The following POU2AF1 variants were observed in gnomAD, a reference collection of about 807,000 sequenced individuals.
POU2AF1 encodes POU domain class 2-associating factor 1.
A neutral mutation model predicts 26.3 loss-of-function variants in POU2AF1; 12 were observed. That is an observed-to-expected ratio of 0.46 (90% CI 0.29 to 0.74). The LOEUF (loss-of-function observed/expected upper bound fraction) is 0.74, where lower values mean the gene tolerates loss of function less well. Among genes scored for constraint, POU2AF1 ranks in the 30% least tolerant of loss-of-function variants. The pLI is 0.09. For synonymous variants in POU2AF1, 175 were observed against 148.0 expected (o/e 1.18, Z -1.32); for missense variants, 297 against 334.5 (o/e 0.89, Z 0.87).
At chr11:111,359,984 C>T (rs369484955) in intron 1 of POU2AF1, 75 of 519,032 alleles carry the variant, frequency 1.4e-4, no homozygotes, top group Non-Finnish European at 2.8e-4. Flanking sequence ...GATCCTTGTA[C>T]CCTGGGGCCA....
chr11:111,359,036 C>T (rs547997048), intron 1 of POU2AF1, 118 bp from the exon 2 acceptor site: 14 of 1,450,986 alleles, frequency 9.6e-6, no homozygotes, highest in East Asian at 4.8e-5. Flanking sequence ...CACGGAGAAC[C>T]ACGTGACACT....
chr11:111,359,806 G>A (rs908948899), intron 1 of POU2AF1, among the ~76,000 whole-genome samples: 10 of 152,208 alleles, frequency 6.6e-5, no homozygotes, highest in Non-Finnish European at 1.3e-4. Flanking sequence ...CCAGTGGCAT[G>A]CCCATGCGTT....
intron 2 of POU2AF1, among the ~76,000 whole-genome samples, chr11:111,358,350 A>ACACTCTCACACACT (rs1555074302): frequency 3.1e-5 from 1 of 31,946 alleles, no homozygotes. Flanking sequence ...ACACTCTCAC[A>ACACTCTCACACACT]CTCACACTCT....
At chr11:111,358,520 T>TCA (rs1233643551) in intron 2 of POU2AF1, among the ~76,000 whole-genome samples, 3 of 83,692 alleles carry the variant, frequency 3.6e-5, no homozygotes, top group Middle Eastern at 5.4e-3. Flanking sequence ...TATCACACAC[T>TCA]CACACACGCC....
At chr11:111,374,681 C>A (rs1861276137) in intron 1 of POU2AF1, among the ~76,000 whole-genome samples, 1 of 152,104 alleles carries the variant, frequency 6.6e-6, no homozygotes. Flanking sequence ...GGTGACAGAG[C>A]AAGACTCTAT....
chr11:111,355,876 A>C (rs1461580831), intron 4 of POU2AF1, among the ~76,000 whole-genome samples: 1 of 152,164 alleles, frequency 6.6e-6, no homozygotes, highest in Non-Finnish European at 1.5e-5. Context: ...GTGTCCTGAA[A>C]CCAGACAGAA....
intron 1 of POU2AF1, chr11:111,363,341 A>G: frequency 9.8e-7 from 1 of 1,024,140 alleles, no homozygotes; most frequent in Non-Finnish European, 1.2e-6. Context: ...CTCATGAAAT[A>G]TCAGAATCTG....
rs1385055911 is a variant in POU2AF1 at position 111,372,051 on chromosome 11, CACACACACACACACACACAG to C, written c.16+7091_16+7110del. On this transcript the variant is annotated intron_variant, in intron 1 of 4. Transcript: ENST00000393067. ...AAATACACACACACACACACACACA[CACACACACACACACACACAG>C]AGAGAGAGAGAGAGAGAGATGAAGG... 3.9e-5 allele frequency among the ~76,000 whole-genome samples: 4 copies of C among 101,590 alleles called. 1 individual carries two copies. The highest frequency in any genetic ancestry group is 1.6e-4 in the African/African-American group (4 of 25,308). 66.6% of individuals were successfully genotyped at this position (101,590 alleles called of 152,430 possible).
chr11:111,374,015 GA>G (rs1450093606), intron 1 of POU2AF1, among the ~76,000 whole-genome samples: 1 of 151,166 alleles, frequency 6.6e-6, no homozygotes, highest in African/African-American at 2.4e-5. Flanking sequence ...GTCAAAGGGG[GA>G]AAAAACACTT....
At chr11:111,356,473 C>T (rs746342178) in intron 4 of POU2AF1, among the ~76,000 whole-genome samples, 1 of 152,238 alleles carries the variant, frequency 6.6e-6, no homozygotes, top group East Asian at 1.9e-4. Context: ...CCAAAGCAAG[C>T]ACCACCATCG....
chr11:111,377,249 G>A (rs1461502681), intron 1 of POU2AF1, among the ~76,000 whole-genome samples: 10 of 151,778 alleles, frequency 6.6e-5, no homozygotes, highest in African/African-American at 1.2e-4. Flanking sequence ...GTGTGGTGGC[G>A]GGCACCTGTA....
intron 1 of POU2AF1, among the ~76,000 whole-genome samples, chr11:111,368,822 G>A (rs912719398): frequency 1.3e-5 from 2 of 152,270 alleles, no homozygotes; most frequent in South Asian, 2.1e-4. Context: ...CATCTCAAAG[G>A]GTAATCATGA....
chr11:111,377,528 G>T (rs1189477940), intron 1 of POU2AF1, among the ~76,000 whole-genome samples: 1 of 152,200 alleles, frequency 6.6e-6, no homozygotes, highest in African/African-American at 2.4e-5. Context: ...TGCAGACAGA[G>T]CAATGAACAT....
intron 2 of POU2AF1, 123 bp from the exon 3 acceptor site, chr11:111,357,960 C>G (rs1181576902): frequency 9.5e-7 from 1 of 1,053,224 alleles, no homozygotes; most frequent in East Asian, 2.6e-5. Flanking sequence ...CTGGTTAGAA[C>G]AAAACATCCC....
intron 1 of POU2AF1, chr11:111,363,927 C>A: frequency 1.0e-6 from 1 of 985,396 alleles, no homozygotes; most frequent in Non-Finnish European, 1.2e-6. Context: ...ATGAGCCTCT[C>A]GGCCCTGATT....
chr11:111,365,793 G>T (rs1861093861), intron 1 of POU2AF1, among the ~76,000 whole-genome samples: 1 of 151,492 alleles, frequency 6.6e-6, no homozygotes, highest in Admixed American at 6.6e-5. Flanking sequence ...GGAGGCAGAG[G>T]TTGCAGTGAG....
At chr11:111,369,486 G>A (rs1861167800) in intron 1 of POU2AF1, among the ~76,000 whole-genome samples, 1 of 152,162 alleles carries the variant, frequency 6.6e-6, no homozygotes, top group African/African-American at 2.4e-5. Flanking sequence ...CTATGTTGTA[G>A]ATACTCCCTC....
At chr11:111,368,727 G>A (rs1861152759) in intron 1 of POU2AF1, among the ~76,000 whole-genome samples, 1 of 152,202 alleles carries the variant, frequency 6.6e-6, no homozygotes, top group Non-Finnish European at 1.5e-5. Context: ...CTGTTATGTT[G>A]CTTATCACCT....
At chr11:111,355,234 G>A (rs1332024821) in intron 4 of POU2AF1, among the ~76,000 whole-genome samples, 1 of 152,124 alleles carries the variant, frequency 6.6e-6, no homozygotes, top group Non-Finnish European at 1.5e-5. Context: ...CATCCTCATC[G>A]TCCTCTGTCT....
Sources: allele counts gnomAD v4.1 joint callset (sites outside exome capture counted in the v4.1 genomes callset), GRCh38; gene constraint gnomAD v4.1.1; transcripts MANE v1.5; gene names NCBI Gene and HGNC (gene_info 2026-07-23, HGNC 2026-07-21).